Variants in DAB2IP observed in about 807,000 individuals in gnomAD.
DAB2IP encodes the protein DAB2 interacting protein.
In DAB2IP, 28 loss-of-function variants were observed where a neutral mutation model predicts 107.2. That is an observed-to-expected ratio of 0.26 (90% CI 0.19 to 0.36). DAB2IP has a LOEUF of 0.36. Ranked by LOEUF, DAB2IP falls within the 10% of genes least tolerant of loss-of-function variation. The pLI is 1.00. For synonymous variants in DAB2IP, 755 were observed against 706.4 expected, an observed-to-expected ratio of 1.07 and a Z score of -1.09; for missense variants, 1,400 against 1,644.7, an observed-to-expected ratio of 0.85 and a Z score of 2.57.
rs755669016 is a variant in DAB2IP, at chr9:121,760,351, C to T, written c.1082C>T (p.Ala361Val). 2.5e-6 allele frequency: 4 copies of T among 1,612,572 alleles called. No individual in the cohort carries two copies. The highest frequency in any genetic ancestry group is 3.4e-6 in the Non-Finnish European group (4 of 1,180,002). ...ACCAACCACTACCTGGGGCTGTGTG[C>T]AGCCCTCGAGCCCATCCTCAGTGCC... is the stretch of plus-strand genomic sequence containing the variant. Residue 361 changes from alanine (A) to valine (V), a missense_variant, in exon 6 of 16, where the codon GCA (alanine) becomes GTA (valine). Transcript: ENST00000408936. The surrounding 1 kb of genome is among the most constrained non-coding windows in gnomAD (Gnocchi z 5.9).
At chr9:121,743,633 G>A (rs975848457) in intron 3 of DAB2IP, among the ~76,000 whole-genome samples, 4 of 152,200 alleles carry the variant, frequency 2.6e-5, no homozygotes, top group Admixed American at 6.5e-5. Flanking sequence ...TAGGCTGGCC[G>A]GGGCCAGCCA....
intron 1 of DAB2IP, among the ~76,000 whole-genome samples, chr9:121,589,849 G>A (rs1253564309): frequency 1.3e-5 from 2 of 152,006 alleles, no homozygotes; most frequent in Non-Finnish European, 1.5e-5. Flanking sequence ...CCCAGCTCCC[G>A]ATGTAGGGTA....
chr9:121,592,742 T>C (rs557183330), intron 1 of DAB2IP, among the ~76,000 whole-genome samples: 1 of 152,342 alleles, frequency 6.6e-6, no homozygotes, highest in South Asian at 2.1e-4. Context: ...TTTGCAGATA[T>C]AGTGCAGACG....
intron 1 of DAB2IP, among the ~76,000 whole-genome samples, chr9:121,614,341 T>TCTTTTC (rs199935798): frequency 2.2e-5 from 3 of 137,762 alleles, no homozygotes; most frequent in Non-Finnish European, 4.7e-5. Context: ...TCTTTTCTTT[T>TCTTTTC]TTTTTTTTTT....
chr9:121,762,519 G>C (rs897100006), intron 6 of DAB2IP, among the ~76,000 whole-genome samples: 1 of 152,194 alleles, frequency 6.6e-6, no homozygotes, highest in African/African-American at 2.4e-5. Context: ...GTCCCTCTGT[G>C]CCTCTGCTGT....
rs143014680 is a variant in DAB2IP at position 121,667,844 on chromosome 9, C to T, written c.125-10834C>T. Among the ~76,000 whole-genome samples the T allele has an allele frequency of 2.4e-3, 360 of 152,298 alleles. 1 individual carries two copies. Among genetic ancestry groups the T allele is most frequent in the African/African-American group, 8.4e-3 (349 of 41,548 alleles). ...CCATTTGTATTAGTCTGTTTTCACG[C>T]TGCTGATAAAGACATACCCAAGACT... On this transcript the variant is annotated intron_variant, in intron 1 of 15. Transcript: ENST00000408936.
At chr9:121,695,778 A>C (rs1829391215) in intron 2 of DAB2IP, among the ~76,000 whole-genome samples, 1 of 152,250 alleles carries the variant, frequency 6.6e-6, no homozygotes, top group Non-Finnish European at 1.5e-5. Context: ...ACAGTCCTGT[A>C]CATGTATATG....
chr9:121,622,330 G>A (rs1251554207), intron 1 of DAB2IP, among the ~76,000 whole-genome samples: 1 of 152,154 alleles, frequency 6.6e-6, no homozygotes, highest in Admixed American at 6.5e-5. Flanking sequence ...TTCCATAGAA[G>A]CAATACTTTT....
intron 1 of DAB2IP, among the ~76,000 whole-genome samples, chr9:121,571,983 C>CGGGTGTT (rs56955452): frequency 6.6e-6 from 1 of 151,500 alleles, no homozygotes; most frequent in Non-Finnish European, 1.5e-5. Context: ...ATTGGGGTGA[C>CGGGTGTT]GGCCAGACAA....
intron 2 of DAB2IP, among the ~76,000 whole-genome samples, chr9:121,693,627 C>T (rs991088394): frequency 1.8e-4 from 28 of 152,222 alleles, no homozygotes; most frequent in African/African-American, 6.3e-4. Context: ...GTTCTGCCTC[C>T]ATCCTGAGTA....
chr9:121,579,687 A>T (rs1219665182), intron 1 of DAB2IP, among the ~76,000 whole-genome samples: 1 of 152,130 alleles, frequency 6.6e-6, no homozygotes, highest in Admixed American at 6.5e-5. Context: ...GGCCTTGTCC[A>T]TCGATCTGTC....
chr9:121,651,797 A>G lies in DAB2IP; in HGVS notation c.22A>G (p.Arg8Gly). 1 of 1,433,428 alleles carries G rather than the reference A, an allele frequency of 7.0e-7. No individual in the cohort carries two copies. The highest frequency in any genetic ancestry group is 3.0e-5 in the East Asian group (1 of 33,736). 88.8% of individuals were successfully genotyped at this position (1,433,428 alleles called of 1,614,324 possible). A position where few individuals can be genotyped will look rare whatever the true frequency, so the allele number is the denominator to read the frequency against. ...CAGCATGTCCGCGGGCGGCAGCGCCAGGAAGAGCACCGGGAGGTCCTCCTA... is the reference window on the plus strand; with the variant it reads ...CAGCATGTCCGCGGGCGGCAGCGCCGGGAAGAGCACCGGGAGGTCCTCCTA... The change falls in exon 1 of 16, where the codon AGG becomes GGG. Residue 8 changes from arginine (R) to glycine (G), a missense_variant. Arg to Gly is a moderately radical substitution (Grantham distance 125, BLOSUM62 -2). Transcript: ENST00000408936. This position sits in a 1 kb window ranked among gnomAD's most constrained non-coding sequence, Gnocchi z 5.1.
intron 3 of DAB2IP, among the ~76,000 whole-genome samples, chr9:121,733,584 C>CAG (rs1397071771): frequency 6.6e-6 from 1 of 152,180 alleles, no homozygotes; most frequent in African/African-American, 2.4e-5. Context: ...CCCTGAGAAC[C>CAG]AGAGATGAAC....
intron 6 of DAB2IP, among the ~76,000 whole-genome samples, chr9:121,762,154 A>G (rs1397265220): frequency 1.3e-5 from 2 of 152,174 alleles, no homozygotes; most frequent in Non-Finnish European, 2.9e-5. Flanking sequence ...CTCCACGGCT[A>G]GAGGAGTAAC....
intron 3 of DAB2IP, among the ~76,000 whole-genome samples, chr9:121,705,145 T>C (rs1345180229): frequency 6.6e-6 from 1 of 152,254 alleles, no homozygotes; most frequent in Non-Finnish European, 1.5e-5. Flanking sequence ...AGCTGGGCAA[T>C]GTTTTTAGGA....
At chr9:121,737,977 G>T (rs1264430667) in intron 3 of DAB2IP, among the ~76,000 whole-genome samples, 2 of 151,946 alleles carry the variant, frequency 1.3e-5, no homozygotes, top group East Asian at 1.9e-4. Context: ...GGGGGCTGGG[G>T]TTGCTAAACT....
Position 121,696,215 on chromosome 9 carries a change from C to A in DAB2IP, c.229-3110C>A, listed in dbSNP as rs142750763. On this transcript the variant is annotated intron_variant, in intron 2 of 15. Transcript: ENST00000408936. ...CAATTTAATCCTCACTGCAGCCCCC[C>A]ACCCACTTCAGAGAGAGGCAAGGGG... Among the ~76,000 whole-genome samples the A allele has an allele frequency of 1.6e-3, 243 of 152,310 alleles. 3 individuals are homozygous for A. The highest frequency in any genetic ancestry group is 5.7e-3 in the African/African-American group (235 of 41,552).
At chr9:121,646,564 T>A (rs1251003381) in intron 1 of DAB2IP, among the ~76,000 whole-genome samples, 1 of 132,616 alleles carries the variant, frequency 7.5e-6, no homozygotes, top group African/African-American at 2.8e-5. Context: ...AGGTTGAGAC[T>A]GTCCTGGGAG....
At chr9:121,773,309 A>T in exon 12 of DAB2IP, 1 of 760,484 alleles carries the variant, frequency 1.3e-6, no homozygotes, top group Non-Finnish European at 1.8e-6. Context: ...CCCCGCCGCC[A>T]CCTCCTGCCC....
Sources: allele counts gnomAD v4.1 joint callset (sites outside exome capture counted in the v4.1 genomes callset), GRCh38; gene constraint gnomAD v4.1.1; non-coding constraint Gnocchi (gnomAD v3.1); transcripts MANE v1.5; gene names NCBI Gene and HGNC (gene_info 2026-07-23, HGNC 2026-07-21).